Variants in UGT1A5 observed in about 807,000 individuals in gnomAD.
The protein encoded by UGT1A5 is UDP glucuronosyltransferase family 1 member A5, also known as UDP-glucuronosyltransferase 1A5.
A neutral mutation model predicts 40.3 loss-of-function variants in UGT1A5; 29 were observed. That is an observed-to-expected ratio of 0.72 (90% CI 0.54 to 0.98). The LOEUF (loss-of-function observed/expected upper bound fraction) is 0.98. Among genes scored for constraint, UGT1A5 ranks in the 50% least tolerant of loss-of-function variants. The pLI is 0.00. For missense variants in UGT1A5, 678 were observed against 677.9 expected, an observed-to-expected ratio of 1.00 and a Z score of 0.00; for synonymous variants, 257 against 262.5, an observed-to-expected ratio of 0.98 and a Z score of 0.20.
chr2:233,765,890 G>A lies in UGT1A5; in HGVS notation c.868-1144G>A, dbSNP rs114846960. ...CGGGAGGGGCTCACTTTCTCAGTGC[G>A]CCACTGCTCAAACCTCTAGGGGAGC... On this transcript the variant is annotated intron_variant, in intron 1 of 4. Coordinates refer to ENST00000373414, the MANE Select transcript of UGT1A5 (RefSeq NM_019078.2). Among the ~76,000 whole-genome samples, 153 of 152,130 alleles carry A rather than the reference G, an allele frequency of 1.0e-3. 1 individual carries two copies. The highest frequency in any genetic ancestry group is 3.4e-3 in the African/African-American group (143 of 41,508).
intron 1 of UGT1A5, chr2:233,718,823 G>A (rs1052666915): frequency 1.2e-6 from 2 of 1,613,376 alleles, no homozygotes; most frequent in African/African-American, 2.7e-5. Context: ...CTGCTGAGAT[G>A]GCCAGAGGAC....
chr2:233,747,148 T>C (rs2125883163), intron 1 of UGT1A5: 2 of 1,570,870 alleles, frequency 1.3e-6, no homozygotes, highest in Non-Finnish European at 1.7e-6. Flanking sequence ...GTAATTAAGA[T>C]GAAGAAAACA....
chr2:233,721,701 C>A (rs2125683705), intron 1 of UGT1A5: 13 of 362,480 alleles, frequency 3.6e-5, no homozygotes, highest in South Asian at 2.9e-4. Context: ...ACGCATGGCT[C>A]ATCTTGGATG....
chr2:233,741,330 A>G lies in UGT1A5; in HGVS notation c.868-25704A>G, dbSNP rs546865407. On this transcript the variant is annotated intron_variant, in intron 1 of 4. Coordinates refer to ENST00000373414, the MANE Select transcript of UGT1A5 (RefSeq NM_019078.2). ...CACACCAACTCATTCTACTCTACCC[A>G]GAGTAGTGATTTCCAACACACAAAA... is the stretch of plus-strand genomic sequence containing the variant. Among the ~76,000 whole-genome samples the G allele has an allele frequency of 1.8e-4, 27 of 151,932 alleles. 1 individual carries two copies. Among genetic ancestry groups the G allele is most frequent in the African/African-American group, 5.6e-4 (23 of 41,194 alleles).
intron 1 of UGT1A5, among the ~76,000 whole-genome samples, chr2:233,717,156 G>A (rs534740397): frequency 6.2e-4 from 94 of 152,158 alleles, no homozygotes; most frequent in Non-Finnish European, 1.2e-3. Context: ...TAGAACATGG[G>A]AGCCCCTTGA....
intron 1 of UGT1A5, chr2:233,760,696 A>G (rs1165584842): frequency 6.2e-7 from 1 of 1,614,168 alleles, no homozygotes; most frequent in South Asian, 1.1e-5. Context: ...CAAGGAGCTC[A>G]TGGCCTCCCT....
intron 1 of UGT1A5, chr2:233,756,080 A>T (rs1179999635): frequency 6.6e-6 from 1 of 152,234 alleles, no homozygotes; most frequent in African/African-American, 2.4e-5. Flanking sequence ...GACAATGAGA[A>T]AATCAAGTAA....
chr2:233,729,567 T>C (rs764515587), intron 1 of UGT1A5: 23 of 1,614,054 alleles, frequency 1.4e-5, no homozygotes, highest in Non-Finnish European at 1.7e-5. Flanking sequence ...CTTCCTTTGA[T>C]GTGGTTTTAA....
chr2:233,719,420 C>A (rs755279919), intron 1 of UGT1A5: 9 of 1,613,938 alleles, frequency 5.6e-6, no homozygotes, highest in Non-Finnish European at 6.8e-6. Flanking sequence ...TACTAACGAC[C>A]AATTCAGACC....
chr2:233,738,530 G>A (rs1226975410), intron 1 of UGT1A5, among the ~76,000 whole-genome samples: 4 of 152,208 alleles, frequency 2.6e-5, no homozygotes, highest in African/African-American at 9.6e-5. Flanking sequence ...GGACAATGAA[G>A]TCCAGGCTGA....
intron 1 of UGT1A5, chr2:233,761,142 A>G: frequency 5.0e-6 from 8 of 1,614,232 alleles, no homozygotes; most frequent in Non-Finnish European, 5.9e-6. Context: ...ACCAAAATCC[A>G]CTATCCCAGG....
At chr2:233,742,175 T>C (rs1052722591) in intron 1 of UGT1A5, among the ~76,000 whole-genome samples, 7 of 151,768 alleles carry the variant, frequency 4.6e-5, no homozygotes, top group African/African-American at 1.5e-4. Flanking sequence ...CACAGAAATA[T>C]AGAGTGTGGA....
chr2:233,723,875 G>A (rs1353661197), intron 1 of UGT1A5, among the ~76,000 whole-genome samples: 1 of 40,312 alleles, frequency 2.5e-5, no homozygotes, highest in Non-Finnish European at 4.2e-5. Context: ...AGGATCCCAA[G>A]GCAGAGGAAT....
chr2:233,767,285 T>C (rs1440125583), intron 2 of UGT1A5, 120 bp downstream of exon 2: 1 of 1,569,258 alleles, frequency 6.4e-7, no homozygotes, highest in Non-Finnish European at 8.6e-7. Flanking sequence ...CCCTGCCACT[T>C]CCCAACTATT....
At chr2:233,718,891 C>G (rs1334385335) in intron 1 of UGT1A5, 1 of 1,613,878 alleles carries the variant, frequency 6.2e-7, no homozygotes, top group African/African-American at 1.3e-5. Context: ...AGTGTCCAGC[C>G]CTGGGCTGAG....
intron 1 of UGT1A5, among the ~76,000 whole-genome samples, chr2:233,735,528 T>A (rs1193840651): frequency 1.3e-5 from 2 of 152,238 alleles, no homozygotes; most frequent in African/African-American, 4.8e-5. Flanking sequence ...TAAATATTGT[T>A]ATGAGTGAAT....
At chr2:233,729,286 A>G (rs751108537) in intron 1 of UGT1A5, 2 of 1,614,248 alleles carry the variant, frequency 1.2e-6, no homozygotes, top group Non-Finnish European at 1.7e-6. Context: ...GCTCCATGCC[A>G]GAGGCCACCA....
intron 1 of UGT1A5, among the ~76,000 whole-genome samples, chr2:233,717,146 T>C (rs952577384): frequency 6.6e-6 from 1 of 152,072 alleles, no homozygotes; most frequent in Non-Finnish European, 1.5e-5. Context: ...TACATGGAAA[T>C]AGAACATGGG....
Position 233,750,543 on chromosome 2 carries a change from C to T in UGT1A5, c.868-16491C>T, listed in dbSNP as rs1193971718. On this transcript the variant is annotated intron_variant, in intron 1 of 4. Transcript: ENST00000373414. ...CAATGGGGAAAATGGCTTCAGTGCACATCAGAGACCTTTGCAGCAGACCCT... is the reference window on the plus strand; with the variant it reads ...CAATGGGGAAAATGGCTTCAGTGCATATCAGAGACCTTTGCAGCAGACCCT... 4 of 151,966 alleles carry T rather than the reference C, an allele frequency of 2.6e-5. 1 individual carries two copies. The highest frequency in any genetic ancestry group is 9.7e-5 in the African/African-American group (4 of 41,180). The allele number at this position is 151,966 out of a possible 1,614,324, so 9.4% of individuals were successfully genotyped here. A position where few individuals can be genotyped will look rare whatever the true frequency, so the allele number is the denominator to read the frequency against.
Sources: allele counts gnomAD v4.1 joint callset (sites outside exome capture counted in the v4.1 genomes callset), GRCh38; gene constraint gnomAD v4.1.1; transcripts MANE v1.5; gene names NCBI Gene and HGNC (gene_info 2026-07-23, HGNC 2026-07-21).